The following LINGO2 variants were observed in gnomAD, a reference collection of about 807,000 sequenced individuals.
LINGO2 encodes the protein leucine-rich repeat and immunoglobulin-like domain-containing nogo receptor-interacting protein 2.
Under a neutral mutation model 30.6 loss-of-function variants are expected in LINGO2, and 14 were observed. The observed-to-expected ratio is 0.46, with a 90% CI of 0.30 to 0.72. The LOEUF (loss-of-function observed/expected upper bound fraction) is 0.72, where lower values mean the gene tolerates loss of function less well. LINGO2 is among the 30% of genes least tolerant of loss of function. The pLI, the probability that LINGO2 is intolerant of heterozygous loss-of-function variation, is 0.07. For synonymous variants in LINGO2, 317 were observed against 288.5 expected (o/e 1.10, Z -1.00); for missense variants, 729 against 751.7 (o/e 0.97, Z 0.35).
downstream of LINGO2, among the ~76,000 whole-genome samples, chr9:27,947,216 C>T (rs1389519149): frequency 6.6e-6 from 1 of 152,156 alleles, no homozygotes; most frequent in Non-Finnish European, 1.5e-5. Context: ...TAACCATATG[C>T]TTTGAAAGTC....
At chr9:28,103,924 T>C (rs1826491691) in intron 4 of LINGO2, among the ~76,000 whole-genome samples, 1 of 152,182 alleles carries the variant, frequency 6.6e-6, no homozygotes, top group African/African-American at 2.4e-5. Flanking sequence ...TGGAACTATG[T>C]TGACTTATAC....
chr9:28,744,609 C>CGTGTGTGTGTGTGTGTGTGTGTGT, the LINGO2 span, among the ~76,000 whole-genome samples: 682 of 133,952 alleles, frequency 5.1e-3, 14 homozygotes, highest in Middle Eastern at 8.3e-3. Flanking sequence ...ATATTCCCCT[C>CGTGTGTGTGTGTGTGTGTGTGTGT]GTGTGTGTGT....
the LINGO2 span, among the ~76,000 whole-genome samples, chr9:28,744,323 G>C: frequency 6.6e-6 from 1 of 151,826 alleles, no homozygotes; most frequent in East Asian, 1.9e-4. Flanking sequence ...TGTCTACTAA[G>C]CACACTATCT....
intron 3 of LINGO2, among the ~76,000 whole-genome samples, chr9:28,359,615 A>G (rs1820363914): frequency 6.6e-6 from 1 of 152,222 alleles, no homozygotes; most frequent in African/African-American, 2.4e-5. Flanking sequence ...TTTATGAAGC[A>G]TACCACAAAA....
the LINGO2 span, among the ~76,000 whole-genome samples, chr9:28,873,876 TA>T: frequency 4.4e-4 from 67 of 151,470 alleles, no homozygotes; most frequent in Admixed American, 7.2e-4. Flanking sequence ...AAAACTAAAA[TA>T]AAAAAATATA....
intron 4 of LINGO2, among the ~76,000 whole-genome samples, chr9:28,183,593 T>G (rs747698528): frequency 5.3e-5 from 8 of 152,142 alleles, no homozygotes; most frequent in Admixed American, 1.3e-4. Context: ...ATGGCAGAGT[T>G]AAGTAGTGGC....
intron 3 of LINGO2, among the ~76,000 whole-genome samples, chr9:28,322,775 CA>C (rs2134307916): frequency 6.6e-6 from 1 of 152,210 alleles, no homozygotes; most frequent in South Asian, 2.1e-4. Flanking sequence ...ATCATATAGA[CA>C]ACCTCAATAA....
chr9:28,780,323 G>A, the LINGO2 span, among the ~76,000 whole-genome samples: 48 of 146,514 alleles, frequency 3.3e-4, no homozygotes, highest in South Asian at 6.9e-4. Flanking sequence ...GGTATTTAAC[G>A]TAGAGGGTCT....
the LINGO2 span, among the ~76,000 whole-genome samples, chr9:28,803,568 T>C: frequency 6.6e-6 from 1 of 151,914 alleles, no homozygotes; most frequent in Non-Finnish European, 1.5e-5. Flanking sequence ...TATCAACTCA[T>C]ACCATGTAAA....
chr9:28,708,431 T>C, the LINGO2 span, among the ~76,000 whole-genome samples: 9 of 152,146 alleles, frequency 5.9e-5, 1 homozygote, highest in East Asian at 3.9e-4. Flanking sequence ...CATTTTTATC[T>C]GTCTGCCTTA....
chr9:28,843,542 G>A, the LINGO2 span, among the ~76,000 whole-genome samples: 4 of 151,760 alleles, frequency 2.6e-5, no homozygotes, highest in Non-Finnish European at 5.9e-5. Context: ...ACAAGACAGA[G>A]ACATATTGAA....
At chr9:28,253,143 A>T (rs1447064119) in intron 4 of LINGO2, among the ~76,000 whole-genome samples, 1 of 152,140 alleles carries the variant, frequency 6.6e-6, no homozygotes, top group African/African-American at 2.4e-5. Context: ...AAATTAATGG[A>T]TGTTTTCAAG....
chr9:28,963,118 C>G, the LINGO2 span, among the ~76,000 whole-genome samples: 1 of 151,876 alleles, frequency 6.6e-6, no homozygotes, highest in Non-Finnish European at 1.5e-5. Flanking sequence ...TTTTCAATAT[C>G]TTTAAGAGAA....
chr9:28,148,620 A>G lies in LINGO2; in HGVS notation c.-86-136215T>C. 1 of 1,522,548 alleles carries G rather than the reference A, an allele frequency of 6.6e-7. No homozygotes were observed. The highest frequency in any genetic ancestry group is 1.2e-5 in the South Asian group (1 of 83,728). 94.3% of individuals were successfully genotyped at this position (1,522,548 alleles called of 1,614,324 possible). ...CCCAGGCCCTTGGAGGGAAATGTCC[A>G]CCTCAAGAGCTTGACAGAAAACAAC... On this transcript the variant is annotated intron_variant, in intron 4 of 5. Transcript: ENST00000379992. This position sits in a 1 kb window ranked among gnomAD's most constrained non-coding sequence, Gnocchi z 5.1.
intron 1 of LINGO2, among the ~76,000 whole-genome samples, chr9:28,578,601 A>C (rs1370016778): frequency 6.6e-6 from 1 of 152,158 alleles, no homozygotes; most frequent in Non-Finnish European, 1.5e-5. Flanking sequence ...CTTGCTGTTA[A>C]ACAAGTCCAT....
rs114774916 is a variant in LINGO2, at chr9:28,243,641, A to G, written c.-87+51567T>C. Among the ~76,000 whole-genome samples the G allele has an allele frequency of 6.5e-3, 987 of 151,644 alleles. 17 individuals carry two copies. Among genetic ancestry groups the G allele is most frequent in the African/African-American group, 0.022 (916 of 41,440 alleles). ...GCAACAAACAAACAAACAAACAAAC[A>G]AAAAAACAAAAAAAACGGGTTGGAT... On this transcript the variant is annotated intron_variant, in intron 4 of 5. Coordinates refer to ENST00000379992, the Ensembl canonical transcript of LINGO2.
chr9:29,203,449 T>C, the LINGO2 span, among the ~76,000 whole-genome samples: 1 of 152,194 alleles, frequency 6.6e-6, no homozygotes, highest in African/African-American at 2.4e-5. Flanking sequence ...CTCATGTTCT[T>C]ATGACCCATG....
the LINGO2 span, among the ~76,000 whole-genome samples, chr9:29,193,825 A>T: frequency 6.6e-6 from 1 of 152,156 alleles, no homozygotes; most frequent in East Asian, 1.9e-4. Flanking sequence ...CAGTTTGCTG[A>T]AGTCTTTCTC....
At chr9:28,327,197 G>A (rs2134326993) in intron 3 of LINGO2, among the ~76,000 whole-genome samples, 1 of 152,144 alleles carries the variant, frequency 6.6e-6, no homozygotes, top group South Asian at 2.1e-4. Flanking sequence ...CCTTAATTTT[G>A]GACTTCCCAG....
Sources: allele counts gnomAD v4.1 joint callset (sites outside exome capture counted in the v4.1 genomes callset), GRCh38; gene constraint gnomAD v4.1.1; non-coding constraint Gnocchi (gnomAD v3.1); transcripts MANE v1.5; gene names NCBI Gene and HGNC (gene_info 2026-07-23, HGNC 2026-07-21).